Variants in TSPAN9 observed in about 807,000 individuals in gnomAD.
The protein encoded by TSPAN9 is tetraspanin-9.
A neutral mutation model predicts 31.0 loss-of-function variants in TSPAN9; 16 were observed. That is an observed-to-expected ratio of 0.52 (90% CI 0.35 to 0.78). TSPAN9 has a LOEUF of 0.78. Among genes scored for constraint, TSPAN9 ranks in the 30% least tolerant of loss-of-function variants. TSPAN9 has a pLI of 0.01. For missense variants in TSPAN9, 272 were observed against 312.5 expected, an observed-to-expected ratio of 0.87 and a Z score of 0.98; for synonymous variants, 145 against 121.6, an observed-to-expected ratio of 1.19 and a Z score of -1.27.
intron 3 of TSPAN9, among the ~76,000 whole-genome samples, chr12:3,259,106 C>T (rs934785048): frequency 1.3e-5 from 2 of 152,208 alleles, no homozygotes; most frequent in Non-Finnish European, 2.9e-5. Context: ...TATTAGTTTG[C>T]TGCTATCATT....
At chr12:3,120,501 AC>A (rs1199010814) in intron 2 of TSPAN9, among the ~76,000 whole-genome samples, 3 of 151,728 alleles carry the variant, frequency 2.0e-5, no homozygotes, top group African/African-American at 7.3e-5. Context: ...GCCAGCCCTC[AC>A]TCTGGCCCTG....
intron 3 of TSPAN9, among the ~76,000 whole-genome samples, chr12:3,248,003 TA>T (rs1862172807): frequency 6.6e-6 from 1 of 152,232 alleles, no homozygotes; most frequent in Non-Finnish European, 1.5e-5. Flanking sequence ...GACTGCATCT[TA>T]ATCAAATGAC....
At chr12:3,162,307 A>G (rs777165209) in intron 2 of TSPAN9, among the ~76,000 whole-genome samples, 9 of 152,230 alleles carry the variant, frequency 5.9e-5, no homozygotes, top group Admixed American at 2.0e-4. Flanking sequence ...TCCCTGATCA[A>G]TCATCCAGCT....
At chr12:3,194,647 A>T (rs1250052255) in intron 2 of TSPAN9, among the ~76,000 whole-genome samples, 1 of 152,132 alleles carries the variant, frequency 6.6e-6, no homozygotes, top group African/African-American at 2.4e-5. Context: ...TTGGCCTCTC[A>T]AAGTTTTGGG....
At chr12:3,193,348 G>T (rs2098365453) in intron 2 of TSPAN9, among the ~76,000 whole-genome samples, 1 of 152,172 alleles carries the variant, frequency 6.6e-6, no homozygotes, top group African/African-American at 2.4e-5. Flanking sequence ...CACCTGCCTG[G>T]CTCCTCATGG....
chr12:3,087,500 T>TGA (rs1394897654), intron 2 of TSPAN9, among the ~76,000 whole-genome samples: 1 of 149,562 alleles, frequency 6.7e-6, no homozygotes, highest in Non-Finnish European at 1.5e-5. Context: ...GGTGACAGAG[T>TGA]GAGACCCTGT....
chr12:3,228,900 C>T (rs2098389252), intron 3 of TSPAN9, among the ~76,000 whole-genome samples: 1 of 152,210 alleles, frequency 6.6e-6, no homozygotes, highest in Non-Finnish European at 1.5e-5. Context: ...CTCCCAGCTT[C>T]TGGAGGCTGC....
chr12:3,169,081 C>G (rs558791423), intron 2 of TSPAN9, among the ~76,000 whole-genome samples: 1 of 152,204 alleles, frequency 6.6e-6, no homozygotes, highest in Non-Finnish European at 1.5e-5. Context: ...AGAAAACTGG[C>G]TCCATTTTCA....
At chr12:3,178,808 G>A (rs1591662608) in intron 2 of TSPAN9, among the ~76,000 whole-genome samples, 1 of 152,216 alleles carries the variant, frequency 6.6e-6, no homozygotes, top group African/African-American at 2.4e-5. Context: ...TGGCTGTGTG[G>A]TTTGAGGGTG....
chr12:3,092,753 A>G (rs1163538880), intron 2 of TSPAN9, among the ~76,000 whole-genome samples: 1 of 152,244 alleles, frequency 6.6e-6, no homozygotes, highest in Non-Finnish European at 1.5e-5. Flanking sequence ...CCGTAAGGAC[A>G]AGGATGGTCC....
chr12:3,220,570 T>C (rs2098383940), intron 3 of TSPAN9, among the ~76,000 whole-genome samples: 1 of 152,198 alleles, frequency 6.6e-6, no homozygotes, highest in South Asian at 2.1e-4. Flanking sequence ...GGCCATTGGC[T>C]GGGAGGTGGA....
intron 2 of TSPAN9, among the ~76,000 whole-genome samples, chr12:3,096,474 A>C (rs554935381): frequency 5.3e-5 from 8 of 151,910 alleles, no homozygotes; most frequent in African/African-American, 1.9e-4. Context: ...TTTTCCATTC[A>C]CTGGTGCTTT....
At chr12:3,219,830 TC>T (rs1161922291) in intron 3 of TSPAN9, among the ~76,000 whole-genome samples, 4 of 132,658 alleles carry the variant, frequency 3.0e-5, no homozygotes, top group Admixed American at 8.6e-5. Flanking sequence ...TGCACATGTG[TC>T]CCAGAACTTA....
chr12:3,231,940 C>T (rs1206976838), intron 3 of TSPAN9, among the ~76,000 whole-genome samples: 1 of 152,254 alleles, frequency 6.6e-6, no homozygotes, highest in Non-Finnish European at 1.5e-5. Context: ...CAGCGTCTCC[C>T]CTCTCCCTGG....
Position 3,153,630 on chromosome 12 carries a change from T to C in TSPAN9, c.-17-47547T>C, listed in dbSNP as rs563601053. On this transcript the variant is annotated intron_variant, in intron 2 of 8. Transcript: ENST00000011898. ...CTACTGTTGAATGTTTAGCTCACAATTTTAACTTACCTAAATAGTAGAAAC... is the reference window on the plus strand; with the variant it reads ...CTACTGTTGAATGTTTAGCTCACAACTTTAACTTACCTAAATAGTAGAAAC... Among the ~76,000 whole-genome samples, 17 of 152,342 alleles carry C rather than the reference T, an allele frequency of 1.1e-4. No homozygotes were observed. In the East Asian group the frequency reaches 3.1e-3, roughly 28 times the overall value.
chr12:3,137,522 A>G (rs1475784452), intron 2 of TSPAN9, among the ~76,000 whole-genome samples: 2 of 152,168 alleles, frequency 1.3e-5, no homozygotes, highest in Non-Finnish European at 2.9e-5. Flanking sequence ...CATCCATGCC[A>G]GGCCCAGATT....
At chr12:3,219,294 T>C (rs757823790) in intron 3 of TSPAN9, among the ~76,000 whole-genome samples, 3 of 152,190 alleles carry the variant, frequency 2.0e-5, no homozygotes, top group Non-Finnish European at 4.4e-5. Context: ...GTGCGGTTGT[T>C]GAGTGGGATG....
chr12:3,187,079 G>A lies in TSPAN9; in HGVS notation c.-17-14098G>A, dbSNP rs1745841066. On this transcript the variant is annotated intron_variant, in intron 2 of 8. Coordinates refer to ENST00000011898, the MANE Select transcript of TSPAN9 (RefSeq NM_006675.5). This position sits in a 1 kb window ranked among gnomAD's most constrained non-coding sequence, Gnocchi z 5.2. Reference sequence around the variant, plus strand: ...TCCCCTGTAGAGCTGATTGTTGAACGTCTGCCAGCCCACCACTGGATTGTT... The same window carrying A: ...TCCCCTGTAGAGCTGATTGTTGAACATCTGCCAGCCCACCACTGGATTGTT... Among the ~76,000 whole-genome samples, 1 of 152,146 alleles carries A rather than the reference G, an allele frequency of 6.6e-6. No homozygotes were observed. The highest frequency in any genetic ancestry group is 1.5e-5 in the Non-Finnish European group (1 of 68,014).
At chr12:3,077,849 C>T (rs1005094822) in intron 1 of TSPAN9, among the ~76,000 whole-genome samples, 2 of 152,136 alleles carry the variant, frequency 1.3e-5, no homozygotes, top group African/African-American at 4.8e-5. Flanking sequence ...AGGGGGCCTT[C>T]GGGCAGGGCT....
Sources: allele counts gnomAD v4.1 joint callset (sites outside exome capture counted in the v4.1 genomes callset), GRCh38; gene constraint gnomAD v4.1.1; non-coding constraint Gnocchi (gnomAD v3.1); transcripts MANE v1.5; gene names NCBI Gene and HGNC (gene_info 2026-07-23, HGNC 2026-07-21).